PCCA: variants seen among roughly 807,000 people sequenced by gnomAD.
PCCA encodes the protein propionyl-CoA carboxylase alpha chain, mitochondrial.
A neutral mutation model predicts 101.3 loss-of-function variants in PCCA; 74 were observed. The observed-to-expected ratio is 0.73, with a 90% CI of 0.61 to 0.89. The LOEUF is 0.89. Ranked by LOEUF, PCCA falls within the 40% of genes least tolerant of loss-of-function variation. PCCA has a pLI of 0.00. For missense variants in PCCA, 891 were observed against 907.0 expected (o/e 0.98, Z 0.23); for synonymous variants, 294 against 313.6 (o/e 0.94, Z 0.66).
chr13:100,421,985 C>G (rs2078795693), intron 19 of PCCA, among the ~76,000 whole-genome samples: 1 of 150,726 alleles, frequency 6.6e-6, no homozygotes, highest in South Asian at 2.1e-4. Flanking sequence ...GCACCCAACC[C>G]ATGATTTTTT....
intron 1 of PCCA, among the ~76,000 whole-genome samples, chr13:100,093,549 T>C (rs2046468780): frequency 6.6e-6 from 1 of 152,170 alleles, no homozygotes; most frequent in African/African-American, 2.4e-5. Flanking sequence ...CTATGGCACG[T>C]ACAGAGGAGA....
intron 16 of PCCA, among the ~76,000 whole-genome samples, chr13:100,310,274 A>G (rs1156779083): frequency 6.6e-6 from 1 of 152,198 alleles, no homozygotes; most frequent in Admixed American, 6.5e-5. Context: ...ATGTTTATCT[A>G]TATATGCGAG....
intron 18 of PCCA, among the ~76,000 whole-genome samples, chr13:100,342,007 G>C (rs1415901023): frequency 9.5e-6 from 1 of 105,752 alleles, no homozygotes; most frequent in Non-Finnish European, 2.0e-5. Context: ...GTATATATAT[G>C]TATTTTTATA....
At chr13:100,277,424 C>T (rs557984107) in intron 12 of PCCA, among the ~76,000 whole-genome samples, 1 of 152,086 alleles carries the variant, frequency 6.6e-6, no homozygotes, top group Admixed American at 6.6e-5. Context: ...TTTGGCTGAT[C>T]CCTTCCTATA....
chr13:100,379,348 C>A (rs1049457193), intron 19 of PCCA, among the ~76,000 whole-genome samples: 3 of 152,090 alleles, frequency 2.0e-5, no homozygotes, highest in Non-Finnish European at 2.9e-5. Context: ...TATGTCTGTC[C>A]TTGGGCCCCG....
chr13:100,164,371 G>T (rs2054820353), intron 6 of PCCA, among the ~76,000 whole-genome samples: 1 of 152,214 alleles, frequency 6.6e-6, no homozygotes, highest in Non-Finnish European at 1.5e-5. Flanking sequence ...GAGAGTGGCA[G>T]TGGTAGTTTA....
chr13:100,411,606 G>A (rs2078055224), intron 19 of PCCA, among the ~76,000 whole-genome samples: 1 of 152,198 alleles, frequency 6.6e-6, no homozygotes, highest in Non-Finnish European at 1.5e-5. Flanking sequence ...CGTAGAATGG[G>A]TGGCTTAAAC....
intron 21 of PCCA, among the ~76,000 whole-genome samples, chr13:100,515,175 A>C (rs1375336453): frequency 6.6e-6 from 1 of 152,234 alleles, no homozygotes. Context: ...TTTCTTAAAG[A>C]TACAGGATGA....
intron 6 of PCCA, among the ~76,000 whole-genome samples, chr13:100,169,984 G>GCCA (rs2055472904): frequency 6.6e-6 from 1 of 152,114 alleles, no homozygotes; most frequent in African/African-American, 2.4e-5. Flanking sequence ...ATAGGCATGA[G>GCCA]CCACCACACC....
intron 6 of PCCA, among the ~76,000 whole-genome samples, chr13:100,159,084 C>CTT (rs11350199): frequency 1.7e-5 from 1 of 58,192 alleles, no homozygotes; most frequent in Non-Finnish European, 2.8e-5. Context: ...AAAATGCTGC[C>CTT]TTTTTTTTTT....
At chr13:100,404,405 A>G (rs974670410) in intron 19 of PCCA, among the ~76,000 whole-genome samples, 2 of 152,178 alleles carry the variant, frequency 1.3e-5, no homozygotes, top group African/African-American at 4.8e-5. Flanking sequence ...AGGTGAGTGT[A>G]TCATAGTATA....
chr13:100,365,813 T>C (rs1013597324), intron 18 of PCCA, among the ~76,000 whole-genome samples: 3 of 152,070 alleles, frequency 2.0e-5, no homozygotes, highest in African/African-American at 7.3e-5. Context: ...AATGCAGATA[T>C]TGTTACAATC....
chr13:100,426,546 T>C (rs1347699476), intron 20 of PCCA, among the ~76,000 whole-genome samples: 2 of 152,168 alleles, frequency 1.3e-5, no homozygotes, highest in East Asian at 3.8e-4. Context: ...ACTTACTCCA[T>C]ACCTGATTCT....
At chr13:100,517,898 C>T (rs1453207818) in intron 22 of PCCA, among the ~76,000 whole-genome samples, 1 of 152,190 alleles carries the variant, frequency 6.6e-6, no homozygotes, top group African/African-American at 2.4e-5. Flanking sequence ...GTAATTAAAA[C>T]ACAAGAAGCT....
chr13:100,435,240 CAGG>C (rs1175704756), intron 20 of PCCA, among the ~76,000 whole-genome samples: 1 of 152,108 alleles, frequency 6.6e-6, no homozygotes, highest in African/African-American at 2.4e-5. Flanking sequence ...GGAGGCAAAG[CAGG>C]AGGAGGAGCA....
At chr13:100,507,613 CCTCT>C (rs2086177228) in intron 21 of PCCA, among the ~76,000 whole-genome samples, 1 of 152,148 alleles carries the variant, frequency 6.6e-6, no homozygotes, top group African/African-American at 2.4e-5. Context: ...AGAAATAAAT[CCTCT>C]CTGTTATTGA....
chr13:100,229,019 A>T (rs1420182170), intron 7 of PCCA, among the ~76,000 whole-genome samples: 1 of 151,636 alleles, frequency 6.6e-6, no homozygotes, highest in Non-Finnish European at 1.5e-5. Flanking sequence ...TTTGTTTTGT[A>T]TTATAACTTA....
intron 21 of PCCA, among the ~76,000 whole-genome samples, chr13:100,478,454 G>T (rs748429486): frequency 7.2e-5 from 11 of 152,160 alleles, no homozygotes; most frequent in South Asian, 2.1e-4. Context: ...TGCCTGGGAG[G>T]CCCCACCCCT....
At chr13:100,254,596 G>A (rs1043930666) in intron 8 of PCCA, among the ~76,000 whole-genome samples, 4 of 152,098 alleles carry the variant, frequency 2.6e-5, no homozygotes, top group African/African-American at 4.8e-5. Flanking sequence ...AGGGATGAGG[G>A]ACTGAACTGT....
Sources: gnomAD v4.1 joint callset for allele counts (sites outside exome capture counted in the v4.1 genomes callset) on GRCh38, gnomAD v4.1.1 for gene constraint, MANE v1.5 for transcripts, NCBI Gene and HGNC (gene_info 2026-07-23, HGNC 2026-07-21) for gene names.